Variants in PDE1C observed in about 807,000 individuals in gnomAD.
PDE1C encodes phosphodiesterase 1C, also known as dual specificity calcium/calmodulin-dependent 3',5'-cyclic nucleotide phosphodiesterase 1C.
Under a neutral mutation model 93.1 loss-of-function variants are expected in PDE1C, and 62 were observed. The ratio of observed to expected loss-of-function variants is 0.67; its 90% CI spans 0.54 to 0.82. The LOEUF (loss-of-function observed/expected upper bound fraction) is 0.82. Ranked by LOEUF, PDE1C falls within the 40% of genes least tolerant of loss-of-function variation. The pLI, the probability that PDE1C is intolerant of heterozygous loss-of-function variation, is 0.00. For synonymous variants in PDE1C, 325 were observed against 310.1 expected, an observed-to-expected ratio of 1.05 and a Z score of -0.50; for missense variants, 742 against 884.6, an observed-to-expected ratio of 0.84 and a Z score of 2.04.
the PDE1C span, among the ~76,000 whole-genome samples, chr7:31,621,641 A>G: frequency 6.7e-6 from 1 of 149,142 alleles, no homozygotes; most frequent in Non-Finnish European, 1.5e-5. Context: ...GGTACCAGAC[A>G]CTGCAAAATC....
chr7:31,682,176 AGTGCTTAGAAC>A, the PDE1C span, among the ~76,000 whole-genome samples: 1 of 152,198 alleles, frequency 6.6e-6, no homozygotes, highest in Non-Finnish European at 1.5e-5. Flanking sequence ...ATAGGTAGTA[AGTGCTTAGAAC>A]AGTGTCTGGC....
At chr7:32,238,889 T>G (rs1293619827) in intron 1 of PDE1C, among the ~76,000 whole-genome samples, 1 of 152,172 alleles carries the variant, frequency 6.6e-6, no homozygotes, top group Non-Finnish European at 1.5e-5. Context: ...CTGGGAAATG[T>G]TATTTCCTCA....
chr7:32,357,805 G>GC (rs1325745946), intron 1 of PDE1C, among the ~76,000 whole-genome samples: 1 of 152,176 alleles, frequency 6.6e-6, no homozygotes, highest in Non-Finnish European at 1.5e-5. Context: ...GCCCTTCCAA[G>GC]CTATCAGGTA....
At chr7:32,011,375 G>A (rs1787081671) in intron 2 of PDE1C, among the ~76,000 whole-genome samples, 1 of 152,044 alleles carries the variant, frequency 6.6e-6, no homozygotes, top group South Asian at 2.1e-4. Flanking sequence ...TGTATTTTTA[G>A]TAGAGACAGG....
chr7:31,815,817 AG>A, intron 15 of PDE1C, 106 bp downstream of exon 15: 2 of 812,596 alleles, frequency 2.5e-6, no homozygotes, highest in Non-Finnish European at 4.2e-6. Context: ...TGAGCAGGGA[AG>A]CCTTGCCCTG....
intron 1 of PDE1C, among the ~76,000 whole-genome samples, chr7:32,229,370 A>G (rs1807524205): frequency 3.3e-5 from 5 of 152,156 alleles, no homozygotes; most frequent in Admixed American, 3.3e-4. Context: ...ACAGATTTAT[A>G]TATGTATTGT....
intron 1 of PDE1C, among the ~76,000 whole-genome samples, chr7:32,402,056 A>G (rs1453969290): frequency 1.3e-5 from 2 of 152,202 alleles, no homozygotes; most frequent in East Asian, 1.9e-4. Flanking sequence ...ATAAATGTAG[A>G]TATTGTTTTC....
intron 3 of PDE1C, among the ~76,000 whole-genome samples, chr7:32,138,490 G>A (rs1800330387): frequency 6.6e-6 from 1 of 152,028 alleles, no homozygotes; most frequent in Admixed American, 6.6e-5. Flanking sequence ...ATTTTTTACT[G>A]TTTGAATTTA....
chr7:31,764,935 T>C (rs1309530906), intron 17 of PDE1C, among the ~76,000 whole-genome samples: 2 of 152,198 alleles, frequency 1.3e-5, no homozygotes, highest in Non-Finnish European at 2.9e-5. Context: ...ATGATTGGGA[T>C]CTACAGATCC....
At chr7:31,878,101 C>CT in intron 4 of PDE1C, 65 bp from the exon 5 acceptor site, 1 of 1,113,458 alleles carries the variant, frequency 9.0e-7, no homozygotes, top group Non-Finnish European at 1.4e-6. Context: ...AATCCACAGA[C>CT]TCATACCAAG....
the PDE1C span, among the ~76,000 whole-genome samples, chr7:31,669,117 G>A: frequency 1.3e-5 from 2 of 152,156 alleles, no homozygotes; most frequent in East Asian, 1.9e-4. Flanking sequence ...ATGATGTGAC[G>A]CATTTTAAGA....
rs1789489861 is a variant in PDE1C, at chr7:31,825,094, T to C, written c.1286-107A>G. Reference sequence around the variant, plus strand: ...AGTTCCAGATCAGATTAAAAGAGAATGGCTTGATCTTATGTACTGTATGTA... The same window carrying C: ...AGTTCCAGATCAGATTAAAAGAGAACGGCTTGATCTTATGTACTGTATGTA... On this transcript the variant is annotated intron_variant, in intron 12 of 17. Transcript: ENST00000396191. 2.1e-6 allele frequency: 3 copies of C among 1,409,518 alleles called. No homozygotes were observed. In the South Asian group the frequency reaches 3.7e-5, roughly 17 times the overall value. The allele number at this position is 1,409,518 out of a possible 1,614,324, so 87.3% of individuals were successfully genotyped here.
intron 2 of PDE1C, among the ~76,000 whole-genome samples, chr7:32,002,799 C>T (rs1350681589): frequency 6.6e-6 from 1 of 152,008 alleles, no homozygotes; most frequent in Non-Finnish European, 1.5e-5. Context: ...TTTCCTGAAA[C>T]CAAAACAGGT....
chr7:31,674,471 A>C, the PDE1C span, among the ~76,000 whole-genome samples: 1 of 152,218 alleles, frequency 6.6e-6, no homozygotes, highest in Non-Finnish European at 1.5e-5. Context: ...GAAGAGCTAA[A>C]ACACTTCTGA....
At chr7:32,133,695 A>G (rs1409976312) in intron 3 of PDE1C, among the ~76,000 whole-genome samples, 1 of 152,164 alleles carries the variant, frequency 6.6e-6, no homozygotes, top group African/African-American at 2.4e-5. Context: ...AAAAACATCA[A>G]TACTCTTTGG....
chr7:31,908,659 C>T (rs192230646), intron 2 of PDE1C, among the ~76,000 whole-genome samples: 25 of 152,258 alleles, frequency 1.6e-4, no homozygotes, highest in African/African-American at 2.6e-4. Context: ...GTTTCAGAAA[C>T]GAGGAAACTG....
At chr7:31,687,306 G>A in the PDE1C span, 2 of 152,262 alleles carry the variant, frequency 1.3e-5, no homozygotes, top group African/African-American at 4.8e-5. Flanking sequence ...TGCGCTGATT[G>A]GTAAGTGCTT....
intron 2 of PDE1C, among the ~76,000 whole-genome samples, chr7:32,039,455 A>T (rs1791543982): frequency 6.6e-6 from 1 of 152,226 alleles, no homozygotes; most frequent in South Asian, 2.1e-4. Flanking sequence ...GGTGGAACAC[A>T]TCTGAAAGAT....
intron 1 of PDE1C, among the ~76,000 whole-genome samples, chr7:32,397,931 G>A (rs749565202): frequency 2.0e-5 from 3 of 151,846 alleles, no homozygotes; most frequent in Admixed American, 1.3e-4. Context: ...AAGGCAGGTA[G>A]ATCATGAGGT....
Sources: gnomAD v4.1 joint callset for allele counts (sites outside exome capture counted in the v4.1 genomes callset) on GRCh38, gnomAD v4.1.1 for gene constraint, MANE v1.5 for transcripts, NCBI Gene and HGNC (gene_info 2026-07-23, HGNC 2026-07-21) for gene names.